Variants in KHDRBS3 observed in about 807,000 individuals in gnomAD.
KHDRBS3 encodes KH domain-containing, RNA-binding, signal transduction-associated protein 3.
A neutral mutation model predicts 45.6 loss-of-function variants in KHDRBS3; 23 were observed. The ratio of observed to expected loss-of-function variants is 0.50; its 90% confidence interval spans 0.36 to 0.72. The LOEUF (loss-of-function observed/expected upper bound fraction) is 0.72. Among genes scored for constraint, KHDRBS3 ranks in the 30% least tolerant of loss-of-function variants. The pLI, the probability that KHDRBS3 is intolerant of heterozygous loss-of-function variation, is 0.00. For missense variants in KHDRBS3, 352 were observed against 424.8 expected, an observed-to-expected ratio of 0.83 and a Z score of 1.51; for synonymous variants, 162 against 156.5, an observed-to-expected ratio of 1.04 and a Z score of -0.26.
intron 1 of KHDRBS3, among the ~76,000 whole-genome samples, chr8:135,479,007 C>T (rs561256675): frequency 4.0e-4 from 61 of 152,024 alleles, no homozygotes; most frequent in African/African-American, 1.2e-3. Flanking sequence ...GTCAACAAAC[C>T]GAAAGGTGGT....
intron 1 of KHDRBS3, among the ~76,000 whole-genome samples, chr8:135,459,705 CTTATT>C (rs1476455612): frequency 2.6e-5 from 4 of 152,192 alleles, no homozygotes; most frequent in Non-Finnish European, 4.4e-5. Flanking sequence ...AGTGCGTTAT[CTTATT>C]TTAAAAGTCA....
intron 5 of KHDRBS3, among the ~76,000 whole-genome samples, chr8:135,578,639 A>G (rs1828059419): frequency 6.6e-6 from 1 of 152,160 alleles, no homozygotes; most frequent in African/African-American, 2.4e-5. Flanking sequence ...AAGTCTTGAA[A>G]TTATATATTA....
At chr8:135,496,587 A>G (rs1823461712) in intron 1 of KHDRBS3, among the ~76,000 whole-genome samples, 1 of 152,084 alleles carries the variant, frequency 6.6e-6, no homozygotes, top group East Asian at 1.9e-4. Flanking sequence ...GTCTGTAAAT[A>G]TCCACTAGGC....
chr8:135,479,280 G>A (rs1299046914), intron 1 of KHDRBS3, among the ~76,000 whole-genome samples: 1 of 152,054 alleles, frequency 6.6e-6, no homozygotes, highest in African/African-American at 2.4e-5. Context: ...TGAATATACT[G>A]GTTTATAAAT....
rs756998393 is a variant in KHDRBS3 at position 135,626,814 on chromosome 8, A to AAG, written c.891-18244_891-18243insGA. ...GCGAGACTCCGTCTCAAAAAAAAAA[A>AAG]AAAAAAAAAAGAGGCACAGTGGGAA... On this transcript the variant is annotated intron_variant, in intron 7 of 8. Transcript: ENST00000355849. Among the ~76,000 whole-genome samples, 584 of 106,634 alleles carry AAG rather than the reference A, an allele frequency of 5.5e-3. 6 individuals are homozygous for AAG. The highest frequency in any genetic ancestry group is 7.3e-3 in the Non-Finnish European group (420 of 57,394). 70.0% of individuals were successfully genotyped at this position (106,634 alleles called of 152,430 possible).
intron 1 of KHDRBS3, among the ~76,000 whole-genome samples, chr8:135,506,980 CT>C (rs1824033148): frequency 1.3e-5 from 2 of 152,116 alleles, no homozygotes; most frequent in African/African-American, 4.8e-5. Context: ...TGCTCTTCAA[CT>C]TTTTTCTATT....
At chr8:135,590,907 A>G (rs1227617617) in intron 6 of KHDRBS3, among the ~76,000 whole-genome samples, 1 of 152,234 alleles carries the variant, frequency 6.6e-6, no homozygotes, top group East Asian at 1.9e-4. Context: ...ATCAATTCTA[A>G]GCATTTGAGG....
intron 1 of KHDRBS3, 131 bp downstream of exon 1, chr8:135,458,085 G>A (rs1821210181): frequency 1.4e-6 from 2 of 1,393,792 alleles, no homozygotes; most frequent in South Asian, 3.1e-5. Context: ...GGTGGCCCCC[G>A]GGGTCGTTTG....
chr8:135,494,767 GA>G (rs531293307), intron 1 of KHDRBS3, among the ~76,000 whole-genome samples: 15 of 152,204 alleles, frequency 9.9e-5, no homozygotes, highest in Non-Finnish European at 2.1e-4. Flanking sequence ...GTGGGTTCAA[GA>G]GAATGTCTTC....
intron 6 of KHDRBS3, among the ~76,000 whole-genome samples, chr8:135,590,206 G>T (rs1181384286): frequency 6.6e-6 from 1 of 152,158 alleles, no homozygotes; most frequent in Admixed American, 6.5e-5. Context: ...ACACAATGGG[G>T]CATCTGTGTC....
intron 1 of KHDRBS3, among the ~76,000 whole-genome samples, chr8:135,461,532 A>C (rs1414410928): frequency 6.6e-6 from 1 of 152,176 alleles, no homozygotes; most frequent in East Asian, 1.9e-4. Context: ...TTGACATTGC[A>C]ATTCTTGCCA....
intron 2 of KHDRBS3, among the ~76,000 whole-genome samples, chr8:135,536,238 T>TA (rs1825744262): frequency 1.1e-5 from 1 of 91,052 alleles, no homozygotes; most frequent in African/African-American, 7.7e-5. Context: ...TGTCCAGTTT[T>TA]TTTTTTTTTT....
chr8:135,565,117 G>C (rs10098817), intron 5 of KHDRBS3, among the ~76,000 whole-genome samples: 3,138 of 152,288 alleles, frequency 0.021, 111 homozygotes, highest in African/African-American at 0.072. Context: ...CTTGACTTCA[G>C]ACCAGTGGCG....
chr8:135,626,660 C>T (rs1190759201), intron 7 of KHDRBS3, among the ~76,000 whole-genome samples: 1 of 151,948 alleles, frequency 6.6e-6, no homozygotes, highest in Non-Finnish European at 1.5e-5. Flanking sequence ...AAAAATTAGC[C>T]GGGCGTGTTG....
At chr8:135,494,174 C>A (rs1336921386) in intron 1 of KHDRBS3, among the ~76,000 whole-genome samples, 1 of 151,404 alleles carries the variant, frequency 6.6e-6, no homozygotes, top group African/African-American at 2.4e-5. Flanking sequence ...ATTGAGCTTT[C>A]CAAAGTATCA....
intron 1 of KHDRBS3, among the ~76,000 whole-genome samples, chr8:135,467,088 A>T (rs953419046): frequency 1.3e-5 from 2 of 152,222 alleles, no homozygotes; most frequent in Admixed American, 1.3e-4. Flanking sequence ...AGAATATCTC[A>T]TGTACCCCAT....
At chr8:135,607,887 A>G (rs961444478) in intron 7 of KHDRBS3, among the ~76,000 whole-genome samples, 1 of 152,204 alleles carries the variant, frequency 6.6e-6, no homozygotes, top group Non-Finnish European at 1.5e-5. Flanking sequence ...ACTGAGGTAG[A>G]TAGGGATATA....
At chr8:135,509,118 T>A (rs1824149854) in intron 1 of KHDRBS3, among the ~76,000 whole-genome samples, 1 of 152,230 alleles carries the variant, frequency 6.6e-6, no homozygotes, top group African/African-American at 2.4e-5. Flanking sequence ...TGTTTTTATG[T>A]TCCTCTTTTA....
chr8:135,652,937 GACA>G lies in KHDRBS3; in HGVS notation c.*118-3287_*118-3285del, dbSNP rs1202936351. ...GGTAGCTCAGTGGCTGATAGTACAG[GACA>G]ATGTACTAGGTCTTGTTTGGCCTTA... On this transcript the variant is annotated intron_variant and NMD_transcript_variant, in intron 4 of 4. Transcript: ENST00000521461. Among the ~76,000 whole-genome samples, 7 of 152,318 alleles carry G rather than the reference GACA, an allele frequency of 4.6e-5. No homozygotes were observed. In the South Asian group the frequency reaches 8.3e-4, roughly 18 times the overall value.
Sources: allele counts gnomAD v4.1 joint callset (sites outside exome capture counted in the v4.1 genomes callset), GRCh38; gene constraint gnomAD v4.1.1; transcripts MANE v1.5; gene names NCBI Gene and HGNC (gene_info 2026-07-23, HGNC 2026-07-21).